Variants in UBE4B observed in about 807,000 individuals in gnomAD.
UBE4B encodes ubiquitin conjugation factor E4 B.
A neutral mutation model predicts 148.1 loss-of-function variants in UBE4B; 27 were observed. That is an observed-to-expected ratio of 0.18 (90% CI 0.13 to 0.25). The LOEUF (loss-of-function observed/expected upper bound fraction) is 0.25. UBE4B is among the 10% of genes least tolerant of loss of function. UBE4B has a pLI of 1.00. For synonymous variants in UBE4B, 596 were observed against 619.3 expected (o/e 0.96, Z 0.56); for missense variants, 1,170 against 1,662.4 (o/e 0.70, Z 5.15).
intron 10 of UBE4B, among the ~76,000 whole-genome samples, chr1:10,123,869 G>C (rs1170773779): frequency 6.6e-6 from 1 of 152,160 alleles, no homozygotes; most frequent in Middle Eastern, 3.2e-3. Context: ...CGCCTCCCGG[G>C]TTCAAGCGAT....
At chr1:10,066,307 TG>T (rs56899530) in intron 1 of UBE4B, among the ~76,000 whole-genome samples, 19,339 of 150,718 alleles carry the variant, frequency 0.13, 1,880 homozygotes, top group African/African-American at 0.28. Context: ...TTTGTGGGAT[TG>T]GGGGGGGAGG....
In UBE4B at chr1:10,106,869, G is replaced by T. The variant is rs1645121627; in HGVS notation, c.1196+286G>T. ...TTTTTGGCCTTTTGTCCTGTTGCCA[G>T]TGGTAGTTGAAATGCTATCAGACCA... On this transcript the variant is annotated intron_variant, in intron 7 of 27. Transcript: ENST00000343090. This position sits in a 1 kb window ranked among gnomAD's most constrained non-coding sequence, Gnocchi z 4.2. Among the ~76,000 whole-genome samples the T allele has an allele frequency of 6.6e-6, 1 of 152,192 alleles. No homozygotes were observed. Among genetic ancestry groups the T allele is most frequent in the Non-Finnish European group, 1.5e-5 (1 of 68,030 alleles).
At chr1:10,071,185 G>A (rs1380533821) in intron 1 of UBE4B, among the ~76,000 whole-genome samples, 1 of 152,102 alleles carries the variant, frequency 6.6e-6, no homozygotes, top group Non-Finnish European at 1.5e-5. Flanking sequence ...GATTACAGGC[G>A]TGAGCCACCA....
chr1:10,051,116 C>A (rs766572820), intron 1 of UBE4B, among the ~76,000 whole-genome samples: 2 of 152,118 alleles, frequency 1.3e-5, no homozygotes, highest in African/African-American at 2.4e-5. Flanking sequence ...AGATGATTTT[C>A]CCGCCTCAGC....
At chr1:10,050,170 C>T (rs1331597695) in intron 1 of UBE4B, among the ~76,000 whole-genome samples, 2 of 152,134 alleles carry the variant, frequency 1.3e-5, no homozygotes, top group Non-Finnish European at 2.9e-5. Context: ...TTCTGGGGTT[C>T]AAGCAATTCT....
chr1:10,142,542 A>G (rs1645799647), intron 17 of UBE4B, among the ~76,000 whole-genome samples: 1 of 151,868 alleles, frequency 6.6e-6, no homozygotes, highest in Admixed American at 6.6e-5. Flanking sequence ...ATGGTAGTGC[A>G]TGCATGTAGT....
rs763288790 is a variant in UBE4B, at chr1:10,130,482, C to T, written c.1696-18C>T. On this transcript the variant is annotated intron_variant, in intron 12 of 27. Transcript: ENST00000343090. The stretch of plus-strand genomic sequence containing the variant: ...GGCCTGTTCAGCGGCTTGACTGGCT[C>T]TTCCATCTTCTGCCTAGGTTGCTTC... The T allele has an allele frequency of 4.3e-6, 7 of 1,611,586 alleles. No homozygotes were observed. The South Asian group carries it at 7.7e-5, about 18-fold the overall frequency.
intron 1 of UBE4B, among the ~76,000 whole-genome samples, chr1:10,068,911 C>T (rs1644437624): frequency 1.3e-5 from 2 of 152,206 alleles, no homozygotes; most frequent in Non-Finnish European, 2.9e-5. Context: ...CTAAATTTTC[C>T]AGCGGATCTT....
intron 15 of UBE4B, 132 bp from the exon 16 acceptor site, chr1:10,134,856 T>C (rs1645651634): frequency 4.3e-6 from 3 of 701,896 alleles, no homozygotes; most frequent in East Asian, 2.8e-5. Context: ...GGAGGATTGC[T>C]TGAGCCTGGG....
At position 10,171,159 on chromosome 1, in the gene UBE4B, G is replaced by A. The variant is rs1191645442; in HGVS notation, c.3355G>A (p.Ala1119Thr). 1 of 1,613,920 alleles carries A rather than the reference G, an allele frequency of 6.2e-7. No homozygotes were observed. Among genetic ancestry groups the A allele is most frequent in the African/African-American group, 1.3e-5 (1 of 74,918 alleles). ...LRPELGPRLA[A>T]MLNFNLQQLC... ...CTAGGAGCTTGGACCCCGATTGGCT[G>A]CAATGCTGAACTTTAATCTTCAGCA... Residue 1119 changes from alanine to threonine, a missense_variant, in exon 25 of 28, where the codon GCA becomes ACA. Transcript: ENST00000343090.
At chr1:10,177,822 G>A (rs1307542320) in intron 25 of UBE4B, among the ~76,000 whole-genome samples, 3 of 152,118 alleles carry the variant, frequency 2.0e-5, no homozygotes, top group Middle Eastern at 3.2e-3. Context: ...TTTACTGTTT[G>A]GCATGGCAGT....
At chr1:10,081,493 C>T (rs1348909051) in intron 2 of UBE4B, among the ~76,000 whole-genome samples, 3 of 151,550 alleles carry the variant, frequency 2.0e-5, no homozygotes, top group South Asian at 2.1e-4. Flanking sequence ...AATGGAATCT[C>T]GAATCACTGC....
intron 2 of UBE4B, among the ~76,000 whole-genome samples, chr1:10,075,986 G>A (rs1490030404): frequency 3.3e-5 from 5 of 152,160 alleles, no homozygotes; most frequent in Non-Finnish European, 7.4e-5. Context: ...GGAGGTTGCC[G>A]TGAGCTGTGA....
chr1:10,058,839 C>G (rs569242745), intron 1 of UBE4B: 1 of 152,266 alleles, frequency 6.6e-6, no homozygotes, highest in Non-Finnish European at 1.5e-5. Context: ...TGCCACTGAC[C>G]AGATGTGGCT....
At chr1:10,105,844 A>C in intron 6 of UBE4B, 100 bp downstream of exon 6, 27 of 1,152,528 alleles carry the variant, frequency 2.3e-5, no homozygotes, top group Non-Finnish European at 2.7e-5. Context: ...AGTGTCATAC[A>C]GGGTATGGCA....
intron 25 of UBE4B, among the ~76,000 whole-genome samples, chr1:10,174,177 T>C (rs1231663221): frequency 8.0e-5 from 12 of 150,188 alleles, no homozygotes; most frequent in Admixed American, 3.3e-4. Context: ...GGGTGGATCA[T>C]GAGGTCAGGA....
rs1273086030 is a variant in UBE4B at position 10,126,847 on chromosome 1, C to T, written c.1608C>T (p.Leu536=). The stretch of plus-strand genomic sequence containing the variant: ...CTCTTGCTGCCAAAGAGTGCTCCCT[C>T]GACAGTGACTACTTTAAATACCCCC... ...GLALAAKECS[L]DSDYFKYPLM... Residue 536 remains leucine, a synonymous_variant, in exon 11 of 28, where the codon CTC becomes CTT. Coordinates refer to ENST00000343090, the MANE Select transcript of UBE4B (RefSeq NM_001105562.3). The T allele has an allele frequency of 4.3e-6, 7 of 1,613,922 alleles. No homozygotes were observed. The highest frequency in any genetic ancestry group is 2.2e-5 in the East Asian group (1 of 44,890).
chr1:10,088,422 C>T (rs1343640096), intron 2 of UBE4B, among the ~76,000 whole-genome samples: 1 of 151,802 alleles, frequency 6.6e-6, no homozygotes, highest in Non-Finnish European at 1.5e-5. Flanking sequence ...ACTCTGTTGC[C>T]CAGGCTGGCG....
intron 1 of UBE4B, among the ~76,000 whole-genome samples, chr1:10,049,746 T>C (rs1411525016): frequency 6.6e-6 from 1 of 151,750 alleles, no homozygotes. Context: ...CCAAAATGGC[T>C]GGGTGTGGTG....
Sources: allele counts gnomAD v4.1 joint callset (sites outside exome capture counted in the v4.1 genomes callset), GRCh38; gene constraint gnomAD v4.1.1; non-coding constraint Gnocchi (gnomAD v3.1); transcripts MANE v1.5; gene names NCBI Gene and HGNC (gene_info 2026-07-23, HGNC 2026-07-21).